Variants in C16orf87 observed in about 807,000 individuals in gnomAD.
C16orf87 encodes the protein UPF0547 protein C16orf87.
C16orf87 carries 13 observed loss-of-function variants against 21.0 expected under a neutral mutation model. That is an observed-to-expected ratio of 0.62 (90% CI 0.40 to 0.98). The LOEUF (loss-of-function observed/expected upper bound fraction) is 0.98. Among genes scored for constraint, C16orf87 ranks in the 50% least tolerant of loss-of-function variants. The pLI is 0.00. For synonymous variants in C16orf87, 49 were observed against 60.2 expected (o/e 0.81, Z 0.86); for missense variants, 113 against 180.4 (o/e 0.63, Z 2.14).
intron 2 of C16orf87, among the ~76,000 whole-genome samples, chr16:46,813,479 A>T (rs1433291197): frequency 2.5e-5 from 1 of 40,636 alleles, no homozygotes; most frequent in Admixed American, 2.6e-4. Context: ...ATATTATCTT[A>T]AAAAAAAAAA....
intron 1 of C16orf87, among the ~76,000 whole-genome samples, chr16:46,830,305 A>AGT (rs1186837101): frequency 6.7e-6 from 1 of 148,524 alleles, no homozygotes. Context: ...AGAGAGAGAG[A>AGT]GAGACACACA....
At chr16:46,817,916 C>CAAAAAAAA (rs1056745014) in intron 2 of C16orf87, among the ~76,000 whole-genome samples, 417 of 67,928 alleles carry the variant, frequency 6.1e-3, no homozygotes, top group East Asian at 7.0e-3. Flanking sequence ...CATCAAAAAG[C>CAAAAAAAA]AAAAAAAAAA....
intron 3 of C16orf87, among the ~76,000 whole-genome samples, 172 bp from the exon 4 acceptor site, chr16:46,803,242 G>A (rs2097551185): frequency 6.6e-6 from 1 of 152,114 alleles, no homozygotes. Flanking sequence ...ATACAAAGGA[G>A]TTACTGAAAT....
At chr16:46,808,245 C>T (rs1967984462) in intron 3 of C16orf87, 5 of 380,516 alleles carry the variant, frequency 1.3e-5, no homozygotes, top group South Asian at 6.1e-5. Context: ...TACCTTAGTA[C>T]AGCCTTCCTA....
At position 46,796,966 on chromosome 16, in the gene C16orf87, CAG is replaced by C. The variant is rs1428774390; in HGVS notation, c.*5984_*5985del. The C allele has an allele frequency of 6.6e-6, 1 of 152,136 alleles. No individual in the cohort carries two copies. The highest frequency in any genetic ancestry group is 1.5e-5 in the Non-Finnish European group (1 of 68,018). The allele number at this position is 152,136 out of a possible 1,614,324, so 9.4% of individuals were successfully genotyped here. ...AAAGACAAAGATTCCTGAAAATACT[CAG>C]AGAAAAATAACATGTTTCATACAGG... On this transcript the variant is annotated 3_prime_UTR_variant, in exon 4 of 4. Coordinates refer to ENST00000285697, the MANE Select transcript of C16orf87 (RefSeq NM_001001436.4).
chr16:46,811,399 A>T (rs1211287029), intron 2 of C16orf87, among the ~76,000 whole-genome samples: 2 of 151,938 alleles, frequency 1.3e-5, no homozygotes, highest in African/African-American at 4.8e-5. Flanking sequence ...GCTACTTGGG[A>T]GGCTGAGACA....
intron 2 of C16orf87, among the ~76,000 whole-genome samples, chr16:46,817,292 T>C (rs960471684): frequency 1.3e-5 from 2 of 152,242 alleles, no homozygotes; most frequent in African/African-American, 4.8e-5. Flanking sequence ...ATGCACATTA[T>C]GTCTTTTCTG....
intron 3 of C16orf87, among the ~76,000 whole-genome samples, chr16:46,806,122 T>A (rs1967920762): frequency 6.6e-6 from 1 of 152,184 alleles, no homozygotes; most frequent in Non-Finnish European, 1.5e-5. Flanking sequence ...CTTCCAGACA[T>A]AACTGATACA....
chr16:46,806,921 C>T (rs1967947989), intron 3 of C16orf87, among the ~76,000 whole-genome samples: 2 of 152,150 alleles, frequency 1.3e-5, no homozygotes, highest in Admixed American at 6.5e-5. Context: ...AAAGTTAAAG[C>T]TTGCTTCAAA....
intron 2 of C16orf87, among the ~76,000 whole-genome samples, chr16:46,821,516 C>T (rs2143143469): frequency 6.6e-6 from 1 of 152,300 alleles, no homozygotes; most frequent in East Asian, 1.9e-4. Flanking sequence ...AATGTTTCAT[C>T]TTCACTTCAA....
chr16:46,801,882 G>C lies in C16orf87; in HGVS notation c.*1070C>G, dbSNP rs1567304972. On this transcript the variant is annotated 3_prime_UTR_variant, in exon 4 of 4. Coordinates refer to ENST00000285697, the MANE Select transcript of C16orf87 (RefSeq NM_001001436.4). ...TGAAAATAAGGGGAGTGATTACCAA[G>C]TTTGAATATGTTAATCATTAAATTG... 6.6e-6 allele frequency: 1 copy of C among 152,126 alleles called. No individual in the cohort carries two copies. The highest frequency in any genetic ancestry group is 2.4e-5 in the African/African-American group (1 of 41,438). The allele number at this position is 152,126 out of a possible 1,614,324, so 9.4% of individuals were successfully genotyped here.
At chr16:46,814,903 G>A (rs1335636198) in intron 2 of C16orf87, among the ~76,000 whole-genome samples, 2 of 152,094 alleles carry the variant, frequency 1.3e-5, no homozygotes. Context: ...GAATCCCAAG[G>A]ATTTCCAAGT....
At chr16:46,810,549 C>T (rs1048514162) in intron 2 of C16orf87, among the ~76,000 whole-genome samples, 3 of 151,976 alleles carry the variant, frequency 2.0e-5, no homozygotes, top group Non-Finnish European at 2.9e-5. Context: ...AAAGAGAATT[C>T]CCCAAATGCC....
At chr16:46,813,106 A>G (rs1968145129) in intron 2 of C16orf87, among the ~76,000 whole-genome samples, 2 of 152,066 alleles carry the variant, frequency 1.3e-5, no homozygotes, top group African/African-American at 4.8e-5. Context: ...CCACAGCATT[A>G]AACACTATTG....
intron 3 of C16orf87, among the ~76,000 whole-genome samples, chr16:46,808,496 G>A (rs183034731): frequency 5.3e-5 from 8 of 152,246 alleles, no homozygotes; most frequent in Non-Finnish European, 8.8e-5. Flanking sequence ...AAGACAGAAC[G>A]TCTGAAAAGC....
Position 46,801,841 on chromosome 16 carries a change from T to G in C16orf87, c.*1111A>C, listed in dbSNP as rs1392684034. On this transcript the variant is annotated 3_prime_UTR_variant, in exon 4 of 4. Coordinates refer to ENST00000285697, the MANE Select transcript of C16orf87 (RefSeq NM_001001436.4). ...GGCTTTAAAAGGATTTCTAAACAGA[T>G]TGGGGGAAGAGCGACTGAAAATAAG... is the stretch of plus-strand genomic sequence containing the variant. 1 of 152,124 alleles carries G rather than the reference T, an allele frequency of 6.6e-6. No individual in the cohort carries two copies. The highest frequency in any genetic ancestry group is 1.9e-4 in the East Asian group (1 of 5,196). The allele number at this position is 152,124 out of a possible 1,614,324, so 9.4% of individuals were successfully genotyped here.
In C16orf87 at chr16:46,796,850, A is replaced by C. The variant is rs1967620607; in HGVS notation, c.*6102T>G. ...GTTTAAAACTTTACATAATCTGATG[A>C]AAGGCATAAACTTACACATTTAAGC... On this transcript the variant is annotated 3_prime_UTR_variant, in exon 4 of 4. Transcript: ENST00000285697. 1 of 152,230 alleles carries C rather than the reference A, an allele frequency of 6.6e-6. No individual in the cohort carries two copies. Among genetic ancestry groups the C allele is most frequent in the Non-Finnish European group, 1.5e-5 (1 of 68,044 alleles). 9.4% of individuals were successfully genotyped at this position (152,230 alleles called of 1,614,324 possible).
At chr16:46,823,444 C>T (rs908693362) in intron 2 of C16orf87, among the ~76,000 whole-genome samples, 14 of 152,122 alleles carry the variant, frequency 9.2e-5, no homozygotes, top group Non-Finnish European at 4.4e-5. Context: ...GAATAAGTAA[C>T]AAAATTGTAT....
chr16:46,800,056 TTAGAGAATC>T lies in C16orf87; in HGVS notation c.*2887_*2895del, dbSNP rs1168335547. ...TGCCAAGTCATTTTAATGATCAGAA[TTAGAGAATC>T]AAGTGCAATTACTAGAGTTAAAGAA... is the stretch of plus-strand genomic sequence containing the variant. On this transcript the variant is annotated 3_prime_UTR_variant, in exon 4 of 4. Coordinates refer to ENST00000285697, the MANE Select transcript of C16orf87 (RefSeq NM_001001436.4). 1 of 152,210 alleles carries T rather than the reference TTAGAGAATC, an allele frequency of 6.6e-6. No individual in the cohort carries two copies. The highest frequency in any genetic ancestry group is 1.5e-5 in the Non-Finnish European group (1 of 68,032). The allele number at this position is 152,210 out of a possible 1,614,324, so 9.4% of individuals were successfully genotyped here. A position where few individuals can be genotyped will look rare whatever the true frequency, so the allele number is the denominator to read the frequency against.
Sources: allele counts gnomAD v4.1 joint callset (sites outside exome capture counted in the v4.1 genomes callset), GRCh38; gene constraint gnomAD v4.1.1; transcripts MANE v1.5; gene names NCBI Gene and HGNC (gene_info 2026-07-23, HGNC 2026-07-21).